The following PRDM6 variants were observed in gnomAD, a reference collection of about 807,000 sequenced individuals.
PRDM6 encodes the protein putative histone-lysine N-methyltransferase PRDM6.
Under a neutral mutation model 60.8 loss-of-function variants are expected in PRDM6, and 25 were observed. The observed-to-expected ratio is 0.41, with a 90% CI of 0.30 to 0.57. The LOEUF (loss-of-function observed/expected upper bound fraction) is 0.57, where lower values mean the gene tolerates loss of function less well. PRDM6 is among the 20% of genes least tolerant of loss of function. The pLI is 0.27. For synonymous variants in PRDM6, 407 were observed against 357.4 expected (o/e 1.14, Z -1.57); for missense variants, 839 against 821.3 (o/e 1.02, Z -0.26).
At chr5:123,118,363 A>G (rs1201636608) in intron 3 of PRDM6, among the ~76,000 whole-genome samples, 1 of 152,202 alleles carries the variant, frequency 6.6e-6, no homozygotes, top group East Asian at 1.9e-4. Flanking sequence ...TTGGAGTCGC[A>G]TCAGTGAACT....
intron 3 of PRDM6, among the ~76,000 whole-genome samples, chr5:123,123,154 G>C (rs570521500): frequency 6.6e-6 from 1 of 152,310 alleles, no homozygotes; most frequent in South Asian, 2.1e-4. Context: ...TAGGGTGAGA[G>C]TATTTGCTTC....
At chr5:123,182,476 T>C (rs771935800) in intron 7 of PRDM6, among the ~76,000 whole-genome samples, 1 of 152,222 alleles carries the variant, frequency 6.6e-6, no homozygotes, top group East Asian at 1.9e-4. Context: ...TAGTAATTAA[T>C]TGAAGCGGTT....
chr5:123,155,811 A>G, intron 3 of PRDM6, 73 bp from the exon 4 acceptor site: 2 of 1,499,448 alleles, frequency 1.3e-6, no homozygotes, highest in East Asian at 2.5e-5. Flanking sequence ...ACACATAAAG[A>G]CACCAAGGGA....
rs552823569 is a variant in PRDM6 at position 123,167,225 on chromosome 5, T to C, written c.1154-3541T>C. Among the ~76,000 whole-genome samples the C allele has an allele frequency of 2.6e-5, 4 of 151,988 alleles. No individual in the cohort carries two copies. In the South Asian group the frequency reaches 8.3e-4, roughly 32 times the overall value. On this transcript the variant is annotated intron_variant, in intron 5 of 7. Coordinates refer to ENST00000407847, the MANE Select transcript of PRDM6 (RefSeq NM_001136239.4). Reference sequence around the variant, plus strand: ...AGAGCATTGTAAACTATCGTCACCCTACTGATCTATCAAACACTAGATCTT... The same window carrying C: ...AGAGCATTGTAAACTATCGTCACCCCACTGATCTATCAAACACTAGATCTT...
At chr5:123,148,692 A>G (rs1765304472) in intron 3 of PRDM6, among the ~76,000 whole-genome samples, 1 of 152,090 alleles carries the variant, frequency 6.6e-6, no homozygotes, top group South Asian at 2.1e-4. Context: ...AGTTGTTTAC[A>G]TTTTAATAAC....
intron 6 of PRDM6, chr5:123,173,546 G>A (rs983097886): frequency 4.2e-5 from 7 of 167,010 alleles, no homozygotes; most frequent in African/African-American, 1.7e-4. Context: ...TGAAGCAGTG[G>A]GTTCCTTCCC....
intron 3 of PRDM6, among the ~76,000 whole-genome samples, chr5:123,152,451 A>G (rs889736279): frequency 6.6e-6 from 1 of 152,142 alleles, no homozygotes; most frequent in Non-Finnish European, 1.5e-5. Context: ...ATTTTTAAAC[A>G]TTGTTCAGGA....
At position 123,159,588 on chromosome 5, in the gene PRDM6, A is replaced by G; in HGVS notation, c.1103A>G (p.Tyr368Cys). 1 of 1,551,602 alleles carries G rather than the reference A, an allele frequency of 6.4e-7. No homozygotes were observed. Among genetic ancestry groups the G allele is most frequent in the Non-Finnish European group, 8.7e-7 (1 of 1,146,782 alleles). The change falls in exon 5 of 8, where the codon TAT (tyrosine) becomes TGT (cysteine). Residue 368 changes from tyrosine to cysteine, a missense_variant. Tyr to Cys is a radical substitution (Grantham distance 194, BLOSUM62 -2). Around this residue, in one of 2 missense-constraint regions of PRDM6, gnomAD observed 730 missense variants for 648.8 expected, o/e 1.13. Coordinates refer to ENST00000407847, the MANE Select transcript of PRDM6 (RefSeq NM_001136239.4). ...TELLVWYNDS[Y>C]TSFFGIPLQC... is the part of the protein sequence containing the mutation. Reference sequence around the variant, plus strand: ...CTTCTGGTGTGGTACAATGACAGCTATACGTCTTTCTTTGGGATCCCCTTA... The same window carrying G: ...CTTCTGGTGTGGTACAATGACAGCTGTACGTCTTTCTTTGGGATCCCCTTA...
chr5:123,147,595 G>A (rs1302334685), intron 3 of PRDM6, among the ~76,000 whole-genome samples: 1 of 152,104 alleles, frequency 6.6e-6, no homozygotes, highest in Non-Finnish European at 1.5e-5. Flanking sequence ...TTTCACAGCA[G>A]GGCACTCTCA....
At chr5:123,184,346 G>A (rs1766233709) in intron 7 of PRDM6, among the ~76,000 whole-genome samples, 2 of 151,900 alleles carry the variant, frequency 1.3e-5, no homozygotes, top group African/African-American at 2.4e-5. Context: ...GCTCACAATG[G>A]TATAATAGAA....
intron 3 of PRDM6, among the ~76,000 whole-genome samples, chr5:123,106,750 A>G (rs1764206426): frequency 6.6e-6 from 1 of 152,248 alleles, no homozygotes; most frequent in Non-Finnish European, 1.5e-5. Context: ...CAGCCTGGAC[A>G]ACAATTCATT....
At chr5:123,094,107 A>G (rs991562808) in intron 2 of PRDM6, among the ~76,000 whole-genome samples, 15 of 152,138 alleles carry the variant, frequency 9.9e-5, no homozygotes, top group African/African-American at 3.6e-4. Context: ...CCAAGGGTTT[A>G]GGGAGAGGGG....
At chr5:123,155,539 C>A (rs975429351) in intron 3 of PRDM6, among the ~76,000 whole-genome samples, 1 of 151,962 alleles carries the variant, frequency 6.6e-6, no homozygotes, top group Non-Finnish European at 1.5e-5. Context: ...AATGTCAGTG[C>A]GGCCTCTCCT....
chr5:123,186,064 C>T (rs1459537937), intron 7 of PRDM6, among the ~76,000 whole-genome samples: 1 of 152,154 alleles, frequency 6.6e-6, no homozygotes, highest in Non-Finnish European at 1.5e-5. Flanking sequence ...GGCCTCTGAG[C>T]TGTATTAGAT....
chr5:123,111,923 T>C (rs1161667073), intron 3 of PRDM6, among the ~76,000 whole-genome samples: 1 of 152,180 alleles, frequency 6.6e-6, no homozygotes, highest in Non-Finnish European at 1.5e-5. Context: ...GCTAATCTCC[T>C]GTGGACATTT....
chr5:123,159,713 T>A, intron 5 of PRDM6, 75 bp downstream of exon 5: 1 of 1,368,408 alleles, frequency 7.3e-7, no homozygotes, highest in Non-Finnish European at 1.0e-6. Context: ...GAGCTTTTTT[T>A]GAAACTCATG....
chr5:123,139,133 C>T (rs1394425471), intron 3 of PRDM6, among the ~76,000 whole-genome samples: 1 of 146,944 alleles, frequency 6.8e-6, no homozygotes, highest in East Asian at 1.9e-4. Flanking sequence ...TGAGGCTTCT[C>T]CTACCATGCG....
chr5:123,179,598 C>T (rs886659498), intron 6 of PRDM6, among the ~76,000 whole-genome samples: 1 of 152,158 alleles, frequency 6.6e-6, no homozygotes, highest in African/African-American at 2.4e-5. Flanking sequence ...AGGATGAGGT[C>T]CAAACATCCT....
chr5:123,090,302 C>T lies in PRDM6; in HGVS notation c.288C>T (p.Cys96=), dbSNP rs1205625810. Residue 96 remains cysteine, a synonymous_variant, in exon 2 of 8, where the codon TGC becomes TGT. Coordinates refer to ENST00000407847, the MANE Select transcript of PRDM6 (RefSeq NM_001136239.4). ...CCTCCGCCTCCTCCGCCTCCTCCTGCGCTGCTGCGGCCGCTGCCGCCGCGC... is the reference window on the plus strand; with the variant it reads ...CCTCCGCCTCCTCCGCCTCCTCCTGTGCTGCTGCGGCCGCTGCCGCCGCGC... ...SSTSASSASS[C]AAAAAAAALA... 4 of 1,485,154 alleles carry T rather than the reference C, an allele frequency of 2.7e-6. No homozygotes were observed. The highest frequency in any genetic ancestry group is 3.6e-6 in the Non-Finnish European group (4 of 1,119,200). 92.0% of individuals were successfully genotyped at this position (1,485,154 alleles called of 1,614,324 possible).
Sources: allele counts gnomAD v4.1 joint callset (sites outside exome capture counted in the v4.1 genomes callset), GRCh38; gene constraint gnomAD v4.1.1; regional missense constraint gnomAD v4.1.1; transcripts MANE v1.5; gene names NCBI Gene and HGNC (gene_info 2026-07-23, HGNC 2026-07-21).